Variants in ABCA2 observed in about 807,000 individuals in gnomAD.
ABCA2 encodes the protein ATP binding cassette subfamily A member 2.
ABCA2 carries 84 observed loss-of-function variants against 262.8 expected under a neutral mutation model. The ratio of observed to expected loss-of-function variants is 0.32; its 90% confidence interval spans 0.27 to 0.38. ABCA2 has a LOEUF of 0.38. Ranked by LOEUF, ABCA2 falls within the 10% of genes least tolerant of loss-of-function variation. The pLI is 1.00. For synonymous variants in ABCA2, 1,696 were observed against 1,502.9 expected (o/e 1.13, Z -2.97); for missense variants, 2,662 against 3,405.9 (o/e 0.78, Z 5.44).
chr9:137,013,056 G>T lies in ABCA2; in HGVS notation c.4813C>A (p.Pro1605Thr). 1.3e-6 allele frequency: 2 copies of T among 1,554,070 alleles called. No homozygotes were observed. Among genetic ancestry groups the T allele is most frequent in the Non-Finnish European group, 1.7e-6 (2 of 1,152,366 alleles). The change falls in exon 30 of 49, where the codon CCG (proline) becomes ACG (threonine). Residue 1605 changes from proline to threonine, a missense_variant. This residue lies in a region of ABCA2 where 192 missense variants were observed against 207.2 expected (regional missense o/e 0.93). Transcript: ENST00000341511. The part of the protein sequence containing the change: ...SPAPSDSPAS[P>T]DEDLQAWNVS... ...TTCCAGGCCTGCAGGTCCTCATCCG[G>T]GGACGCTGGCGAGTCAGATGGGGCG...
At chr9:137,025,908 G>A (rs1021790654) in intron 1 of ABCA2, among the ~76,000 whole-genome samples, 10 of 152,192 alleles carry the variant, frequency 6.6e-5, no homozygotes, top group African/African-American at 1.9e-4. Flanking sequence ...GGTCTAGCAC[G>A]CCCTGGGTGC....
Position 137,009,364 on chromosome 9 carries a change from G to T in ABCA2, c.6827+6C>A, listed in dbSNP as rs1217688217. 2.4e-6 allele frequency: 2 copies of T among 842,016 alleles called. No individual in the cohort carries two copies. Among genetic ancestry groups the T allele is most frequent in the Non-Finnish European group, 1.8e-6 (1 of 558,392 alleles). The allele number at this position is 842,016 out of a possible 1,614,324, so 52.2% of individuals were successfully genotyped here. On this transcript the variant is annotated splice_donor_region_variant and intron_variant, in intron 45 of 48. Transcript: ENST00000341511. ...CCAGCCCACCCCTGGCCCTGCCCCG[G>T]CTCACCGGTTCTTCAGGTGCTGGAT...
In ABCA2 at chr9:137,022,357, C is replaced by T. The variant is rs745716935; in HGVS notation, c.561G>A (p.Pro187=). The change falls in exon 6 of 49, where the codon CCG becomes CCA. Residue 187 remains proline, a synonymous_variant. Coordinates refer to ENST00000341511, the MANE Select transcript of ABCA2 (RefSeq NM_001606.5). ...AQALLAARVD[P]PEVYHLLFGP... is the part of the protein sequence containing the mutation. ...GGAGCTGTCCCTGCCTTACCTCGGG[C>T]GGGTCCACACGGGCGGCCAAGAGTG... 4.4e-6 allele frequency: 7 copies of T among 1,604,838 alleles called. No individual in the cohort carries two copies. The East Asian group carries it at 6.7e-5, about 15-fold the overall frequency.
At position 137,009,394 on chromosome 9, in the gene ABCA2, C is replaced by T; in HGVS notation, c.6803G>A (p.Gly2268Asp). 1 of 1,426,970 alleles carries T rather than the reference C, an allele frequency of 7.0e-7. No homozygotes were observed. The allele number at this position is 1,426,970 out of a possible 1,614,324, so 88.4% of individuals were successfully genotyped here. A position where few individuals can be genotyped will look rare whatever the true frequency, so the allele number is the denominator to read the frequency against. Residue 2268 changes from glycine to aspartate, a missense_variant, in exon 45 of 49, where the codon GGC (glycine) becomes GAC (aspartate). Gly to Asp is a moderately conservative substitution (Grantham distance 94). Around this residue, in one of 12 missense-constraint regions of ABCA2, gnomAD observed 602 missense variants for 897.4 expected, o/e 0.67. Coordinates refer to ENST00000341511, the MANE Select transcript of ABCA2 (RefSeq NM_001606.5). ...IMVNGRLRCL[G>D]SIQHLKNRFG... The stretch of plus-strand genomic sequence containing the variant: ...CCGGTTCTTCAGGTGCTGGATGCTG[C>T]CCAGGCACCGCAGGCGACCGTTCAC...
In ABCA2 at chr9:137,028,215, G is replaced by A; in HGVS notation, c.-75C>T. The A allele has an allele frequency of 1.0e-6, 1 of 976,468 alleles. No homozygotes were observed. Among genetic ancestry groups the A allele is most frequent in the Non-Finnish European group, 1.2e-6 (1 of 825,218 alleles). The allele number at this position is 976,468 out of a possible 1,614,324, so 60.5% of individuals were successfully genotyped here. On this transcript the variant is annotated 5_prime_UTR_variant, in exon 1 of 49. Transcript: ENST00000341511. The surrounding 1 kb of genome is among the most constrained non-coding windows in gnomAD (Gnocchi z 6.9). ...GCCCCGCCGGGCCCCGCAGCCCGCC[G>A]CGCCGCTGGGCATCGCCCGCGCGGG...
chr9:137,022,508 G>A (rs755589424), intron 5 of ABCA2, 30 bp from the exon 6 acceptor site: 43 of 1,603,562 alleles, frequency 2.7e-5, no homozygotes, highest in Non-Finnish European at 2.6e-6. Context: ...AGGCTGAGAG[G>A]CCGCTGCACC....
Position 137,007,238 on chromosome 9 carries a change from TTTTG to T in ABCA2, c.*687_*690del, listed in dbSNP as rs1830869244. Reference sequence around the variant, plus strand: ...ACCCACACACGCAGACCCGCAGACATTTTGTTTATTTATTTAAAACAAACATCTG... The same window carrying T: ...ACCCACACACGCAGACCCGCAGACATTTTATTTATTTAAAACAAACATCTG... On this transcript the variant is annotated 3_prime_UTR_variant, in exon 49 of 49. Coordinates refer to ENST00000341511, the MANE Select transcript of ABCA2 (RefSeq NM_001606.5). 1 of 152,152 alleles carries T rather than the reference TTTTG, an allele frequency of 6.6e-6. No homozygotes were observed. The highest frequency in any genetic ancestry group is 1.5e-5 in the Non-Finnish European group (1 of 68,168). 9.4% of individuals were successfully genotyped at this position (152,152 alleles called of 1,614,324 possible).
In ABCA2 at chr9:137,022,383, C is replaced by G; in HGVS notation, c.535G>C (p.Ala179Pro). The G allele has an allele frequency of 1.2e-6, 2 of 1,610,928 alleles. No individual in the cohort carries two copies. Among genetic ancestry groups the G allele is most frequent in the Non-Finnish European group, 1.7e-6 (2 of 1,179,294 alleles). Residue 179 changes from alanine (A) to proline (P), a missense_variant, in exon 6 of 49, where the codon GCA becomes CCA. Coordinates refer to ENST00000341511, the MANE Select transcript of ABCA2 (RefSeq NM_001606.5). ...GGGTCCACACGGGCGGCCAAGAGTGCTTGGGCCGTGCTATTGGGCAGCGAC... is the reference window on the plus strand; with the variant it reads ...GGGTCCACACGGGCGGCCAAGAGTGGTTGGGCCGTGCTATTGGGCAGCGAC... ...NLSLPNSTAQALLAARVDPPE... is the reference protein window; with the variant it reads ...NLSLPNSTAQPLLAARVDPPE...
chr9:137,011,681 C>T lies in ABCA2; in HGVS notation c.5604G>A (p.Thr1868=), dbSNP rs529755142. ...GGACGGCAGGGAAGTTGGTGGGCGA[C>T]GTGTAGGCCGGCAGGTCGAACACAA... ...ILFVFDLPAY[T]SPTNFPAVLS... is the part of the protein sequence containing the mutation. The change falls in exon 36 of 49, where the codon ACG becomes ACA. Residue 1868 remains threonine (T), a synonymous_variant. Transcript: ENST00000341511. The surrounding 1 kb of genome is among the most constrained non-coding windows in gnomAD (Gnocchi z 8.8). The T allele has an allele frequency of 2.0e-5, 31 of 1,555,230 alleles. No homozygotes were observed. Among genetic ancestry groups the T allele is most frequent in the Admixed American group, 1.6e-4 (8 of 51,552 alleles).
rs760599425 is a variant in ABCA2, at chr9:137,020,330, G to T, written c.1425+6C>A. 3.1e-6 allele frequency: 5 copies of T among 1,611,882 alleles called. No individual in the cohort carries two copies. The highest frequency in any genetic ancestry group is 1.7e-5 in the Admixed American group (1 of 60,012). On this transcript the variant is annotated splice_donor_region_variant and intron_variant, in intron 10 of 48. Coordinates refer to ENST00000341511, the MANE Select transcript of ABCA2 (RefSeq NM_001606.5). Reference sequence around the variant, plus strand: ...GTCAAACATGGAGCGTCCCAGACCCGTGCACCTTGAGGATGACGCGGTCGA... The same window carrying T: ...GTCAAACATGGAGCGTCCCAGACCCTTGCACCTTGAGGATGACGCGGTCGA...
At chr9:137,023,359 C>T (rs1009470009) in intron 3 of ABCA2, 33 of 693,578 alleles carry the variant, frequency 4.8e-5, no homozygotes, top group Admixed American at 4.7e-4. Flanking sequence ...ACTCTCCCCC[C>T]GAAAACGTTT....
Position 137,015,493 on chromosome 9 carries a change from C to CG in ABCA2, c.3617dup (p.Leu1207AlafsTer127). On this transcript the variant is annotated frameshift_variant, in exon 24 of 49. Transcript: ENST00000341511. LOFTEE classifies it high-confidence loss of function. Reference sequence around the variant, plus strand: ...CGCCATAGGTGCCCTTGAGGAAGAGCGGGGAGCCGCAGCACTTGAGCTTCC... The same window carrying CG: ...CGCCATAGGTGCCCTTGAGGAAGAGCGGGGGAGCCGCAGCACTTGAGCTTCC... 6.2e-7 allele frequency: 1 copy of CG among 1,610,006 alleles called. No homozygotes were observed. Among genetic ancestry groups the CG allele is most frequent in the Non-Finnish European group, 8.5e-7 (1 of 1,178,762 alleles).
chr9:137,017,798 G>C lies in ABCA2; in HGVS notation c.2200C>G (p.Arg734Gly). The stretch of plus-strand genomic sequence containing the variant: ...CCCGGCCCGCGCACCTCCTTGAGCC[G>C]GTGCTCCTTCTCCGCCACGATGTGC... ...IQHIVAEKEHRLKEVMKTMGL... is the reference protein window; with the variant it reads ...IQHIVAEKEHGLKEVMKTMGL... The change falls in exon 16 of 49, where the codon CGG (arginine) becomes GGG (glycine). Residue 734 changes from arginine to glycine, a missense_variant. Around this residue, in one of 12 missense-constraint regions of ABCA2, gnomAD observed 188 missense variants for 343.4 expected, o/e 0.55. Coordinates refer to ENST00000341511, the MANE Select transcript of ABCA2 (RefSeq NM_001606.5). 6.2e-7 allele frequency: 1 copy of C among 1,612,422 alleles called. No homozygotes were observed. Among genetic ancestry groups the C allele is most frequent in the South Asian group, 1.1e-5 (1 of 91,082 alleles).
rs1347356316 is a variant in ABCA2, at chr9:137,017,508, A to G, written c.2396T>C (p.Met799Thr). The G allele has an allele frequency of 6.2e-7, 1 of 1,607,652 alleles. No homozygotes were observed. The highest frequency in any genetic ancestry group is 8.5e-7 in the Non-Finnish European group (1 of 1,175,790). The part of the protein sequence containing the change: ...FLAVYAVATI[M>T]FCFLVSVLYS... ...TACCATGGCCCGCGCTCACCAGAAC[A>G]TGATGGTGGCCACCGCGTAGACTGC... The change falls in exon 17 of 49, where the codon ATG becomes ACG. Residue 799 changes from methionine to threonine, a missense_variant. By Grantham distance (81) the Met-to-Thr change is moderately conservative (BLOSUM62 -1). This residue lies in a region of ABCA2 where 188 missense variants were observed against 343.4 expected (regional missense o/e 0.55). Transcript: ENST00000341511.
chr9:137,008,648 G>T, intron 47 of ABCA2, 26 bp from the exon 48 acceptor site: 1 of 1,586,266 alleles, frequency 6.3e-7, no homozygotes, highest in South Asian at 1.1e-5. Context: ...GGCGTGTGGG[G>T]AGGGGGCTGG....
rs529532466 is a variant in ABCA2, at chr9:137,007,937, G to A, written c.7303C>T (p.Leu2435Phe). The change falls in exon 49 of 49, where the codon CTC becomes TTC. Residue 2435 changes from leucine (L) to phenylalanine (F), a missense_variant. Physicochemically the swap from Leu to Phe is conservative, Grantham distance 22 (BLOSUM62 0). Coordinates refer to ENST00000341511, the MANE Select transcript of ABCA2 (RefSeq NM_001606.5). The stretch of plus-strand genomic sequence containing the variant: ...GGCCCAGCTCTGGGTGGTCAGCAGA[G>A]CGTGTCCGTGTTGAAGGACAGCTGG... ...RAQLSFNTDT[L>F]C is the part of the protein sequence containing the mutation. 27 of 1,605,848 alleles carry A rather than the reference G, an allele frequency of 1.7e-5. No homozygotes were observed. The Admixed American group carries it at 2.2e-4, about 13-fold the overall frequency.
rs756462686 is a variant in ABCA2, at chr9:137,011,223, G to C, written c.5886C>G (p.Ala1962=). ...AGTACTCGTTGATGTACTCGTTGTA[G>C]GCCATCTCCATGAGCCCGTGGCCCA... ...YNLGHGLMEM[A]YNEYINEYYA... is the part of the protein sequence containing the mutation. Residue 1962 remains alanine (A), a synonymous_variant, in exon 38 of 49, where the codon GCC becomes GCG. Transcript: ENST00000341511. The surrounding 1 kb of genome is among the most constrained non-coding windows in gnomAD (Gnocchi z 8.8). The C allele has an allele frequency of 3.7e-6, 6 of 1,612,594 alleles. No homozygotes were observed. In the South Asian group the frequency reaches 5.5e-5, roughly 15 times the overall value.
chr9:137,008,857 G>T lies in ABCA2; in HGVS notation c.6942C>A (p.His2314Gln). The T allele has an allele frequency of 6.2e-7, 1 of 1,604,696 alleles. No individual in the cohort carries two copies. ...ACTTGAGCTGGTACTGCACCTTTGT[G>T]TGGTGCCGCTCCTGCAGGGGGGGAG... ...FPEAMLKERH[H>Q]TKVQYQLKSE... The change falls in exon 47 of 49, where the codon CAC becomes CAA. Residue 2314 changes from histidine (H) to glutamine (Q), a missense_variant. By Grantham distance (24) the His-to-Gln change is conservative (BLOSUM62 0). Coordinates refer to ENST00000341511, the MANE Select transcript of ABCA2 (RefSeq NM_001606.5).
chr9:137,009,639 C>T lies in ABCA2; in HGVS notation c.6636G>A (p.Glu2212=). The change falls in exon 44 of 49, where the codon GAG becomes GAA. Residue 2212 remains glutamate, a synonymous_variant. Coordinates refer to ENST00000341511, the MANE Select transcript of ABCA2 (RefSeq NM_001606.5). ...CCTTGGGGTCCATGCCTGTGGTGGG[C>T]TCGTCCTGGGGATGGGTGGCAGGCT... ...IGYPAFIFLD[E]PTTGMDPKAR... The T allele has an allele frequency of 6.2e-7, 1 of 1,612,816 alleles. No homozygotes were observed. Among genetic ancestry groups the T allele is most frequent in the Non-Finnish European group, 8.5e-7 (1 of 1,179,902 alleles).
Sources: allele counts gnomAD v4.1 joint callset (sites outside exome capture counted in the v4.1 genomes callset), GRCh38; gene constraint gnomAD v4.1.1; regional missense constraint gnomAD v4.1.1; non-coding constraint Gnocchi (gnomAD v3.1); transcripts MANE v1.5; gene names NCBI Gene and HGNC (gene_info 2026-07-23, HGNC 2026-07-21).